RBFOX1: variants seen among roughly 807,000 people sequenced by gnomAD.
The protein encoded by RBFOX1 is RNA binding fox-1 homolog 1.
Under a neutral mutation model 57.7 loss-of-function variants are expected in RBFOX1, and 8 were observed. The ratio of observed to expected loss-of-function variants is 0.14; its 90% CI spans 0.08 to 0.25. RBFOX1 has a LOEUF of 0.25. Among genes scored for constraint, RBFOX1 ranks in the 10% least tolerant of loss-of-function variants. The pLI, the probability that RBFOX1 is intolerant of heterozygous loss-of-function variation, is 1.00. For synonymous variants in RBFOX1, 326 were observed against 222.4 expected, an observed-to-expected ratio of 1.47 and a Z score of -4.15; for missense variants, 611 against 548.5, an observed-to-expected ratio of 1.11 and a Z score of -1.14.
At chr16:6,153,898 C>T (rs1321406276) in intron 1 of RBFOX1, among the ~76,000 whole-genome samples, 1 of 152,184 alleles carries the variant, frequency 6.6e-6, no homozygotes, top group African/African-American at 2.4e-5. Flanking sequence ...TGAGAACATA[C>T]AATGTTTTGT....
chr16:6,773,888 T>A, intron 3 of RBFOX1: 1 of 916,042 alleles, frequency 1.1e-6, no homozygotes, highest in East Asian at 1.2e-4. Context: ...CTGTGTGTAT[T>A]TGTGTGGGCA....
In RBFOX1 at chr16:5,707,444, G is replaced by A. The variant is rs73518034; in HGVS notation, c.318+108483G>A. Among the ~76,000 whole-genome samples, 1,304 of 152,282 alleles carry A rather than the reference G, an allele frequency of 8.6e-3. 25 individuals carry two copies. Among genetic ancestry groups the A allele is most frequent in the African/African-American group, 0.029 (1,220 of 41,562 alleles). On this transcript the variant is annotated intron_variant, in intron 3 of 19. Coordinates refer to the RBFOX1 transcript ENST00000641259. ...ACATGAGTGCCTTGCTCATGAAGGCGGTTGGACCCAGATTGAGTTTAGTAA... is the reference window on the plus strand; with the variant it reads ...ACATGAGTGCCTTGCTCATGAAGGCAGTTGGACCCAGATTGAGTTTAGTAA...
At chr16:5,974,421 C>A (rs1358724521) in intron 4 of RBFOX1, among the ~76,000 whole-genome samples, 1 of 151,916 alleles carries the variant, frequency 6.6e-6, no homozygotes, top group African/African-American at 2.4e-5. Flanking sequence ...CCAGCCTGGC[C>A]AACATGGTGA....
intron 2 of RBFOX1, 143 bp from the exon 3 acceptor site, chr16:6,654,460 G>A (rs866115885): frequency 1.4e-5 from 9 of 635,188 alleles, no homozygotes; most frequent in Non-Finnish European, 2.1e-5. Flanking sequence ...ACTATAAAGA[G>A]CAATGACTCG....
intron 3 of RBFOX1, among the ~76,000 whole-genome samples, chr16:6,685,086 C>T (rs1032199902): frequency 6.6e-6 from 1 of 152,148 alleles, no homozygotes; most frequent in Non-Finnish European, 1.5e-5. Context: ...CTCCATCCCT[C>T]ATCATTTCCC....
intron 4 of RBFOX1, among the ~76,000 whole-genome samples, chr16:6,003,624 T>G (rs1420191203): frequency 3.5e-4 from 54 of 152,242 alleles, no homozygotes; most frequent in Non-Finnish European, 8.8e-5. Context: ...CATTGGAGTG[T>G]GCCAGGTCTT....
intron 3 of RBFOX1, among the ~76,000 whole-genome samples, chr16:5,724,811 G>T (rs750410439): frequency 6.6e-6 from 1 of 152,164 alleles, no homozygotes. Flanking sequence ...ATCTACACCA[G>T]CCCACTAACA....
chr16:6,069,498 G>A (rs2095809576), intron 1 of RBFOX1, among the ~76,000 whole-genome samples: 1 of 151,728 alleles, frequency 6.6e-6, no homozygotes, highest in Non-Finnish European at 1.5e-5. Flanking sequence ...CCCATGTCAT[G>A]CCAACAGATT....
intron 3 of RBFOX1, among the ~76,000 whole-genome samples, chr16:6,669,284 A>T (rs990784571): frequency 2.0e-5 from 3 of 152,206 alleles, no homozygotes; most frequent in African/African-American, 7.2e-5. Flanking sequence ...TGTCTATCAC[A>T]TGAACACACT....
intron 2 of RBFOX1, among the ~76,000 whole-genome samples, chr16:6,530,105 A>C (rs1456140778): frequency 6.6e-6 from 1 of 152,168 alleles, no homozygotes; most frequent in Non-Finnish European, 1.5e-5. Context: ...TAGCTTCCGA[A>C]AAGGAGACAG....
At chr16:6,405,941 T>G (rs1213588593) in intron 2 of RBFOX1, among the ~76,000 whole-genome samples, 1 of 152,212 alleles carries the variant, frequency 6.6e-6, no homozygotes, top group African/African-American at 2.4e-5. Flanking sequence ...ATCACATATG[T>G]CCAAGGATAC....
At chr16:6,244,457 G>C (rs187694186) in intron 1 of RBFOX1, among the ~76,000 whole-genome samples, 1 of 152,096 alleles carries the variant, frequency 6.6e-6, no homozygotes, top group African/African-American at 2.4e-5. Flanking sequence ...ACATCTAGCA[G>C]GTTTTACAGT....
At chr16:5,579,066 T>A (rs1452631509) in intron 2 of RBFOX1, among the ~76,000 whole-genome samples, 1 of 152,106 alleles carries the variant, frequency 6.6e-6, no homozygotes, top group Non-Finnish European at 1.5e-5. Context: ...CAGGCTGGTC[T>A]GGAACTCCTG....
intron 3 of RBFOX1, among the ~76,000 whole-genome samples, chr16:5,731,295 A>G (rs1030617574): frequency 1.3e-5 from 2 of 152,098 alleles, no homozygotes; most frequent in Non-Finnish European, 1.5e-5. Flanking sequence ...CACTATCACC[A>G]CCACCACCAT....
chr16:7,428,323 CTTTTTTTT>C (rs201523653), intron 4 of RBFOX1, among the ~76,000 whole-genome samples: 1 of 112,336 alleles, frequency 8.9e-6, no homozygotes, highest in Admixed American at 9.2e-5. Context: ...GAATTAATAT[CTTTTTTTT>C]TTTTTTTTTT....
intron 4 of RBFOX1, among the ~76,000 whole-genome samples, chr16:7,121,788 A>C (rs1453536807): frequency 6.6e-6 from 1 of 152,040 alleles, no homozygotes; most frequent in Non-Finnish European, 1.5e-5. Context: ...ATTTTATATA[A>C]GCCTATAGAA....
Position 7,713,162 on chromosome 16 carries a change from AAATT to A in RBFOX1, c.*2421_*2424del, listed in dbSNP as rs751985083. 2.0e-5 allele frequency: 3 copies of A among 152,208 alleles called. No homozygotes were observed. Among genetic ancestry groups the A allele is most frequent in the Admixed American group, 6.5e-5 (1 of 15,280 alleles). The allele number at this position is 152,208 out of a possible 1,614,324, so 9.4% of individuals were successfully genotyped here. A position where few individuals can be genotyped will look rare whatever the true frequency, so the allele number is the denominator to read the frequency against. ...AACTATTGCTATTATGAATTATGGA[AAATT>A]AATATTATGTGTGGCATATAGTGAC... On this transcript the variant is annotated 3_prime_UTR_variant, in exon 16 of 16. Coordinates refer to ENST00000550418, the MANE Select transcript of RBFOX1 (RefSeq NM_018723.4).
At chr16:5,414,160 C>A (rs1241568553) in intron 1 of RBFOX1, among the ~76,000 whole-genome samples, 1 of 152,090 alleles carries the variant, frequency 6.6e-6, no homozygotes, top group African/African-American at 2.4e-5. Context: ...AATCATTGCG[C>A]CAAGGGAAAA....
At chr16:5,352,779 C>CA (rs2065291472) in intron 1 of RBFOX1, among the ~76,000 whole-genome samples, 1 of 151,828 alleles carries the variant, frequency 6.6e-6, no homozygotes, top group African/African-American at 2.4e-5. Context: ...CCTGTCCCTA[C>CA]AAAAAATATA....
Sources: allele counts gnomAD v4.1 joint callset (sites outside exome capture counted in the v4.1 genomes callset), GRCh38; gene constraint gnomAD v4.1.1; transcripts MANE v1.5; gene names NCBI Gene and HGNC (gene_info 2026-07-23, HGNC 2026-07-21).